OLFM2: variants seen among roughly 807,000 people sequenced by gnomAD.
OLFM2 encodes olfactomedin 2, also known as noelin-2.
Under a neutral mutation model 43.9 loss-of-function variants are expected in OLFM2, and 20 were observed. That is an observed-to-expected ratio of 0.46 (90% CI 0.32 to 0.66). The LOEUF (loss-of-function observed/expected upper bound fraction) is 0.66. Among genes scored for constraint, OLFM2 ranks in the 30% least tolerant of loss-of-function variants. The pLI, the probability that OLFM2 is intolerant of heterozygous loss-of-function variation, is 0.04. For missense variants in OLFM2, 416 were observed against 643.6 expected (o/e 0.65, Z 3.83); for synonymous variants, 268 against 278.6 (o/e 0.96, Z 0.38).
intron 1 of OLFM2, among the ~76,000 whole-genome samples, chr19:9,926,367 A>G (rs977042780): frequency 2.6e-5 from 4 of 151,208 alleles, no homozygotes; most frequent in Admixed American, 6.6e-5. Context: ...CCTGGCTAAC[A>G]TGGTGAAACC....
At chr19:9,879,238 T>A (rs1007917921) in intron 1 of OLFM2, among the ~76,000 whole-genome samples, 1 of 152,192 alleles carries the variant, frequency 6.6e-6, no homozygotes, top group African/African-American at 2.4e-5. Context: ...GTTCAAGCGA[T>A]TCTCCTGCCT....
intron 1 of OLFM2, among the ~76,000 whole-genome samples, chr19:9,875,657 T>TTTA (rs1555725140): frequency 2.0e-5 from 3 of 150,370 alleles, no homozygotes; most frequent in Admixed American, 1.3e-4. Context: ...CATCTGGTTG[T>TTTA]TTGTTGTTGT....
intron 1 of OLFM2, among the ~76,000 whole-genome samples, chr19:9,924,350 G>A (rs1160697790): frequency 7.2e-6 from 1 of 138,110 alleles, no homozygotes; most frequent in Non-Finnish European, 1.5e-5. Context: ...AGCTTGCAGT[G>A]AGCCAAGATC....
intron 1 of OLFM2, among the ~76,000 whole-genome samples, chr19:9,893,121 A>C (rs1214339645): frequency 6.6e-6 from 1 of 151,666 alleles, no homozygotes; most frequent in African/African-American, 2.4e-5. Context: ...GCTTGACTCT[A>C]GTCTGTCATA....
intron 1 of OLFM2, among the ~76,000 whole-genome samples, chr19:9,909,625 C>T (rs1190912711): frequency 3.9e-5 from 6 of 152,212 alleles, no homozygotes; most frequent in African/African-American, 1.4e-4. Flanking sequence ...CAGCATCCAA[C>T]CTTCCGCCTC....
intron 1 of OLFM2, among the ~76,000 whole-genome samples, chr19:9,928,664 GC>G (rs2086466479): frequency 1.3e-5 from 2 of 152,012 alleles, no homozygotes; most frequent in South Asian, 4.2e-4. Flanking sequence ...AACTAGCCAG[GC>G]ATGGTGGTGC....
Position 9,890,771 on chromosome 19 carries a change from A to C in OLFM2, c.64-29977T>G, listed in dbSNP as rs575036609. 2.6e-5 allele frequency among the ~76,000 whole-genome samples: 4 copies of C among 151,676 alleles called. No individual in the cohort carries two copies. In the South Asian group the frequency reaches 8.4e-4, roughly 32 times the overall value. On this transcript the variant is annotated intron_variant, in intron 1 of 5. Transcript: ENST00000264833. The stretch of plus-strand genomic sequence containing the variant: ...AGTTTGAGAACAGCCTGGGCAACAT[A>C]GCAAGACCCCTATTCTACAAAATAT...
chr19:9,857,547 A>G lies in OLFM2; in HGVS notation c.361-65T>C, dbSNP rs970885737. 1 of 1,578,518 alleles carries G rather than the reference A, an allele frequency of 6.3e-7. No individual in the cohort carries two copies. The highest frequency in any genetic ancestry group is 2.2e-5 in the East Asian group (1 of 44,462). ...GGCCTTTGACCCAGACATGACTCCA[A>G]CCTCTGACTCATAACTTCACCCTTT... On this transcript the variant is annotated intron_variant, in intron 3 of 5. Coordinates refer to ENST00000264833, the MANE Select transcript of OLFM2 (RefSeq NM_058164.4). The surrounding 1 kb of genome is among the most constrained non-coding windows in gnomAD (Gnocchi z 5.7).
At chr19:9,909,435 G>C (rs754961488) in intron 1 of OLFM2, among the ~76,000 whole-genome samples, 10 of 152,168 alleles carry the variant, frequency 6.6e-5, no homozygotes, top group Non-Finnish European at 1.2e-4. Flanking sequence ...TTTATGGCTG[G>C]GAGTTGGCCA....
chr19:9,936,415 C>T lies in OLFM2; in HGVS notation c.-49G>A. On this transcript the variant is annotated 5_prime_UTR_variant, in exon 1 of 6. Coordinates refer to ENST00000264833, the MANE Select transcript of OLFM2 (RefSeq NM_058164.4). Reference sequence around the variant, plus strand: ...CGACCCCCGCCCGCCCTAGCGGCGCCTCGGCGCGGGGACCGCCACCAGGCG... The same window carrying T: ...CGACCCCCGCCCGCCCTAGCGGCGCTTCGGCGCGGGGACCGCCACCAGGCG... 1 of 1,213,298 alleles carries T rather than the reference C, an allele frequency of 8.2e-7. No homozygotes were observed. Among genetic ancestry groups the T allele is most frequent in the South Asian group, 2.8e-5 (1 of 35,264 alleles). 75.2% of individuals were successfully genotyped at this position (1,213,298 alleles called of 1,614,324 possible). A position where few individuals can be genotyped will look rare whatever the true frequency, so the allele number is the denominator to read the frequency against.
chr19:9,928,695 C>T (rs11668085), intron 1 of OLFM2, among the ~76,000 whole-genome samples: 62,048 of 151,640 alleles, frequency 0.41, 12,804 homozygotes, highest in Non-Finnish European at 0.46. Context: ...GTCCCAGCTA[C>T]TTGGGTGGCT....
chr19:9,934,862 C>G (rs547982742), intron 1 of OLFM2, among the ~76,000 whole-genome samples: 1 of 152,182 alleles, frequency 6.6e-6, no homozygotes, highest in Non-Finnish European at 1.5e-5. Context: ...CCTCCCAACA[C>G]CCCCCTCGGG....
intron 1 of OLFM2, among the ~76,000 whole-genome samples, chr19:9,870,438 C>A (rs571682767): frequency 8.5e-4 from 129 of 152,246 alleles, no homozygotes; most frequent in African/African-American, 3.0e-3. Flanking sequence ...AGTCCCCACG[C>A]GGCCCAGCTG....
At chr19:9,896,121 G>A (rs2144969685) in intron 1 of OLFM2, among the ~76,000 whole-genome samples, 1 of 123,798 alleles carries the variant, frequency 8.1e-6, no homozygotes, top group South Asian at 2.5e-4. Flanking sequence ...TTTTGAGACG[G>A]AGTCTTGCTC....
rs957771815 is a variant in OLFM2, at chr19:9,857,590, G to A, written c.361-108C>T. 2.1e-5 allele frequency: 33 copies of A among 1,553,840 alleles called. No homozygotes were observed. Among genetic ancestry groups the A allele is most frequent in the Non-Finnish European group, 2.8e-5 (32 of 1,132,210 alleles). ...CACCCTTTGTCTTTGATGCACACCT[G>A]GCCCTTGACATGTGGCTCATATTGG... On this transcript the variant is annotated intron_variant, in intron 3 of 5. Coordinates refer to ENST00000264833, the MANE Select transcript of OLFM2 (RefSeq NM_058164.4). This position sits in a 1 kb window ranked among gnomAD's most constrained non-coding sequence, Gnocchi z 5.7.
At chr19:9,926,484 G>A (rs574752530) in intron 1 of OLFM2, among the ~76,000 whole-genome samples, 70 of 149,874 alleles carry the variant, frequency 4.7e-4, no homozygotes, top group Non-Finnish European at 7.1e-4. Flanking sequence ...TCTGGGAGGC[G>A]GAGCTTGCAG....
At chr19:9,876,125 G>A (rs549480366) in intron 1 of OLFM2, among the ~76,000 whole-genome samples, 140 of 152,304 alleles carry the variant, frequency 9.2e-4, no homozygotes, top group African/African-American at 3.3e-3. Flanking sequence ...AAATGAGCCT[G>A]GGTGAGCTTT....
chr19:9,918,902 T>C (rs1024959654), intron 1 of OLFM2, among the ~76,000 whole-genome samples: 3 of 152,084 alleles, frequency 2.0e-5, no homozygotes, highest in Admixed American at 6.6e-5. Flanking sequence ...ACGGGGGCTG[T>C]TTTGGAGGTG....
At chr19:9,897,976 C>T (rs2046700810) in intron 1 of OLFM2, among the ~76,000 whole-genome samples, 1 of 151,942 alleles carries the variant, frequency 6.6e-6, no homozygotes, top group Admixed American at 6.6e-5. Context: ...GATCATAGCT[C>T]ACTGCAACCT....
Sources: gnomAD v4.1 joint callset for allele counts (sites outside exome capture counted in the v4.1 genomes callset) on GRCh38, gnomAD v4.1.1 for gene constraint, Gnocchi (gnomAD v3.1) non-coding constraint, MANE v1.5 for transcripts, NCBI Gene and HGNC (gene_info 2026-07-23, HGNC 2026-07-21) for gene names.